Variants in AP3B2 observed in about 807,000 individuals in gnomAD.
The protein encoded by AP3B2 is AP-3 complex subunit beta-2.
A neutral mutation model predicts 126.9 loss-of-function variants in AP3B2; 50 were observed. The observed-to-expected ratio is 0.39, with a 90% CI of 0.31 to 0.50. AP3B2 has a LOEUF of 0.50. Ranked by LOEUF, AP3B2 falls within the 20% of genes least tolerant of loss-of-function variation. The pLI, the probability that AP3B2 is intolerant of heterozygous loss-of-function variation, is 0.79. For synonymous variants in AP3B2, 541 were observed against 565.0 expected, an observed-to-expected ratio of 0.96 and a Z score of 0.60; for missense variants, 1,177 against 1,426.4, an observed-to-expected ratio of 0.83 and a Z score of 2.82.
At chr15:82,663,357 G>GCT (rs1302388119) in intron 21 of AP3B2, 124 bp from the exon 22 acceptor site, 2 of 998,560 alleles carry the variant, frequency 2.0e-6, no homozygotes, top group Admixed American at 2.0e-5. Context: ...CTGCCTGGAG[G>GCT]CTCTCGCAAA....
At chr15:82,678,029 G>T in intron 11 of AP3B2, 76 bp downstream of exon 11, 1 of 1,524,970 alleles carries the variant, frequency 6.6e-7, no homozygotes, top group Non-Finnish European at 9.0e-7. Context: ...GCTCATAAGA[G>T]GAGGTTTACC....
At chr15:82,695,802 G>A (rs2048621516) in intron 1 of AP3B2, among the ~76,000 whole-genome samples, 2 of 152,168 alleles carry the variant, frequency 1.3e-5, no homozygotes, top group Non-Finnish European at 2.9e-5. Context: ...CTTACCACTT[G>A]GAATTGGCAT....
chr15:82,692,017 C>T (rs2048543321), intron 1 of AP3B2: 3 of 1,466,852 alleles, frequency 2.0e-6, no homozygotes, highest in Non-Finnish European at 2.8e-6. Context: ...TCAGGTCCTG[C>T]CAGCTGCCTG....
At chr15:82,673,464 T>G (rs991121254) in intron 14 of AP3B2, among the ~76,000 whole-genome samples, 1 of 152,198 alleles carries the variant, frequency 6.6e-6, no homozygotes, top group Non-Finnish European at 1.5e-5. Context: ...CCCACCCACC[T>G]TGGGCTCCCA....
Position 82,681,922 on chromosome 15 carries a change from C to A in AP3B2, c.361-342G>T, listed in dbSNP as rs915260705. Among the ~76,000 whole-genome samples the A allele has an allele frequency of 6.6e-6, 1 of 152,064 alleles. No homozygotes were observed. The highest frequency in any genetic ancestry group is 1.9e-4 in the East Asian group (1 of 5,192). On this transcript the variant is annotated intron_variant, in intron 4 of 26. Transcript: ENST00000535359. This position sits in a 1 kb window ranked among gnomAD's most constrained non-coding sequence, Gnocchi z 4.0. ...TGCCTGTTTTAATGCCTGAGGTGAC[C>A]GCCCAGCAGATGCAAGCTGGTCTCC...
chr15:82,663,315 C>T (rs910021657), intron 21 of AP3B2, 82 bp from the exon 22 acceptor site: 4 of 1,161,214 alleles, frequency 3.4e-6, no homozygotes, highest in Non-Finnish European at 5.1e-6. Context: ...AAGGAGCACG[C>T]ATTTCAGCAC....
intron 14 of AP3B2, among the ~76,000 whole-genome samples, chr15:82,668,753 C>T (rs778199747): frequency 2.0e-5 from 3 of 151,952 alleles, no homozygotes; most frequent in Non-Finnish European, 2.9e-5. Context: ...CTCATCTAGC[C>T]AGGATGTGCA....
intron 25 of AP3B2, 96 bp from the exon 26 acceptor site, chr15:82,660,079 G>T: frequency 6.8e-7 from 1 of 1,464,318 alleles, no homozygotes; most frequent in Non-Finnish European, 9.3e-7. Context: ...CCCAGGCTGG[G>T]AAGGTATCAT....
Position 82,665,368 on chromosome 15 carries a change from C to A in AP3B2, c.1972-65G>T. On this transcript the variant is annotated intron_variant, in intron 16 of 26. Coordinates refer to ENST00000535359, the MANE Select transcript of AP3B2 (RefSeq NM_001278512.2). This position sits in a 1 kb window ranked among gnomAD's most constrained non-coding sequence, Gnocchi z 4.4. ...CACTGCCAGGGCTCCCTACTGTCTG[C>A]CCCCACCAACACACACACACACACA... 2 of 1,523,884 alleles carry A rather than the reference C, an allele frequency of 1.3e-6. No homozygotes were observed. Among genetic ancestry groups the A allele is most frequent in the Non-Finnish European group, 9.0e-7 (1 of 1,116,898 alleles). The allele number at this position is 1,523,884 out of a possible 1,614,324, so 94.4% of individuals were successfully genotyped here. A position where few individuals can be genotyped will look rare whatever the true frequency, so the allele number is the denominator to read the frequency against.
intron 14 of AP3B2, among the ~76,000 whole-genome samples, chr15:82,667,327 C>A (rs2048076204): frequency 6.6e-6 from 1 of 152,180 alleles, no homozygotes; most frequent in African/African-American, 2.4e-5. Flanking sequence ...TCACAGTTTC[C>A]AGGCTCCACC....
At chr15:82,705,198 AT>A (rs1315875738) in intron 1 of AP3B2, among the ~76,000 whole-genome samples, 1 of 151,976 alleles carries the variant, frequency 6.6e-6, no homozygotes, top group Non-Finnish European at 1.5e-5. Flanking sequence ...TTACCATCCC[AT>A]TAAAACCTAA....
At chr15:82,679,859 C>G in intron 9 of AP3B2, 59 bp from the exon 10 acceptor site, 1 of 1,480,120 alleles carries the variant, frequency 6.8e-7, no homozygotes, top group Non-Finnish European at 9.4e-7. Flanking sequence ...CCTCGCTGCC[C>G]AGAGACACCC....
At chr15:82,694,810 CTCTT>C (rs1237520424) in intron 1 of AP3B2, among the ~76,000 whole-genome samples, 1 of 152,068 alleles carries the variant, frequency 6.6e-6, no homozygotes, top group Non-Finnish European at 1.5e-5. Flanking sequence ...CTTCTATAGC[CTCTT>C]TCTTTGGCTT....
intron 10 of AP3B2, among the ~76,000 whole-genome samples, chr15:82,679,114 A>T (rs1187946652): frequency 6.6e-6 from 1 of 152,066 alleles, no homozygotes; most frequent in African/African-American, 2.4e-5. Flanking sequence ...GTTACCTCCC[A>T]GAGTCTTTTT....
intron 13 of AP3B2, 48 bp from the exon 14 acceptor site, chr15:82,676,685 G>T (rs754372054): frequency 1.3e-6 from 2 of 1,594,782 alleles, no homozygotes; most frequent in South Asian, 1.1e-5. Context: ...GGGAAAGTGG[G>T]TGGGTAGGAT....
chr15:82,700,397 C>CTTTTGTTTTTTTTTTTTTTTTTTTTTT (rs2048700142), intron 1 of AP3B2, among the ~76,000 whole-genome samples: 1 of 35,086 alleles, frequency 2.9e-5, no homozygotes, highest in Admixed American at 5.4e-4. Context: ...TGGTGGGTGG[C>CTTTTGTTTTTTTTTTTTTTTTTTTTTT]TTTTTTTTTT....
intron 13 of AP3B2, 145 bp from the exon 14 acceptor site, chr15:82,676,782 GAT>G (rs370003455): frequency 1.7e-3 from 1,203 of 713,612 alleles, no homozygotes; most frequent in South Asian, 2.7e-3. Context: ...GGGGTGGTGA[GAT>G]AGAGAGAGGT....
intron 1 of AP3B2, among the ~76,000 whole-genome samples, chr15:82,704,826 C>T (rs1470733186): frequency 6.6e-6 from 1 of 152,354 alleles, no homozygotes; most frequent in African/African-American, 2.4e-5. Flanking sequence ...TTAATCAATA[C>T]GGAGGCTACC....
chr15:82,661,305 C>G (rs2151426497), intron 25 of AP3B2, among the ~76,000 whole-genome samples: 1 of 152,296 alleles, frequency 6.6e-6, no homozygotes, highest in East Asian at 1.9e-4. Context: ...TCCTGAATTT[C>G]CCAAATGCAT....
Sources: allele counts gnomAD v4.1 joint callset (sites outside exome capture counted in the v4.1 genomes callset), GRCh38; gene constraint gnomAD v4.1.1; non-coding constraint Gnocchi (gnomAD v3.1); transcripts MANE v1.5; gene names NCBI Gene and HGNC (gene_info 2026-07-23, HGNC 2026-07-21).